Variants in PLPP4 observed in about 807,000 individuals in gnomAD.
The protein encoded by PLPP4 is phospholipid phosphatase 4.
PLPP4 carries 20 observed loss-of-function variants against 32.2 expected under a neutral mutation model. That is an observed-to-expected ratio of 0.62 (90% CI 0.44 to 0.90). The LOEUF is 0.90. Among genes scored for constraint, PLPP4 ranks in the 40% least tolerant of loss-of-function variants. PLPP4 has a pLI of 0.00. For missense variants in PLPP4, 257 were observed against 353.1 expected (o/e 0.73, Z 2.18); for synonymous variants, 127 against 133.0 (o/e 0.95, Z 0.31).
At chr10:120,471,542 T>G (rs1304801731) in intron 1 of PLPP4, among the ~76,000 whole-genome samples, 1 of 152,048 alleles carries the variant, frequency 6.6e-6, no homozygotes, top group Non-Finnish European at 1.5e-5. Context: ...TTATCTAACA[T>G]TAATATGTTA....
chr10:120,462,756 A>G (rs1325274683), intron 1 of PLPP4, among the ~76,000 whole-genome samples: 3 of 152,144 alleles, frequency 2.0e-5, no homozygotes, highest in Non-Finnish European at 4.4e-5. Flanking sequence ...CAGAATCTGC[A>G]TTTTGAACAG....
intron 6 of PLPP4, among the ~76,000 whole-genome samples, chr10:120,579,829 C>T (rs1007074455): frequency 3.4e-4 from 52 of 151,412 alleles, no homozygotes; most frequent in Non-Finnish European, 1.2e-4. Flanking sequence ...AAGTTGGGGC[C>T]GGGCGCGGTG....
chr10:120,460,328 A>G (rs532467376), intron 1 of PLPP4, among the ~76,000 whole-genome samples: 17 of 152,340 alleles, frequency 1.1e-4, no homozygotes, highest in African/African-American at 4.1e-4. Context: ...CTGCTACCCA[A>G]GACTCCAGGA....
At chr10:120,507,361 TATC>T (rs891335081) in intron 2 of PLPP4, among the ~76,000 whole-genome samples, 26 of 99,826 alleles carry the variant, frequency 2.6e-4, no homozygotes, top group African/African-American at 1.0e-3. Flanking sequence ...TCATCATCAT[TATC>T]ATCATCATCA....
intron 5 of PLPP4, among the ~76,000 whole-genome samples, chr10:120,531,873 T>TACACACACAC (rs145252286): frequency 3.5e-4 from 52 of 148,256 alleles, no homozygotes; most frequent in Middle Eastern, 3.5e-3. Context: ...CTACACACAC[T>TACACACACAC]ACACACACAC....
intron 5 of PLPP4, among the ~76,000 whole-genome samples, chr10:120,552,957 TG>T (rs1422935940): frequency 6.6e-6 from 1 of 152,230 alleles, no homozygotes; most frequent in African/African-American, 2.4e-5. Flanking sequence ...GCACTTCTGC[TG>T]TGCTTGAGAG....
chr10:120,569,132 A>AG (rs1313132171), intron 5 of PLPP4, among the ~76,000 whole-genome samples: 1 of 151,950 alleles, frequency 6.6e-6, no homozygotes, highest in African/African-American at 2.4e-5. Context: ...CCAGCTACTC[A>AG]GGAGGCTGAG....
At chr10:120,523,554 T>C (rs1182278804) in intron 5 of PLPP4, among the ~76,000 whole-genome samples, 1 of 152,174 alleles carries the variant, frequency 6.6e-6, no homozygotes, top group Non-Finnish European at 1.5e-5. Flanking sequence ...TGGAATAGTA[T>C]TCACCTGGGA....
chr10:120,576,819 G>A (rs915137262), intron 6 of PLPP4, among the ~76,000 whole-genome samples: 1 of 152,218 alleles, frequency 6.6e-6, no homozygotes, highest in African/African-American at 2.4e-5. Context: ...ATGGAAGGAT[G>A]GACAGAGTCA....
chr10:120,527,164 A>C (rs1379300182), intron 5 of PLPP4, among the ~76,000 whole-genome samples: 4 of 151,942 alleles, frequency 2.6e-5, no homozygotes, highest in Non-Finnish European at 4.4e-5. Context: ...GCAATCAATC[A>C]ATTGATTGAT....
intron 5 of PLPP4, among the ~76,000 whole-genome samples, chr10:120,543,176 G>C (rs1847435714): frequency 6.6e-6 from 1 of 152,208 alleles, no homozygotes. Flanking sequence ...CATCACAGGG[G>C]ATAGAGCCGG....
At position 120,494,478 on chromosome 10, in the gene PLPP4, C is replaced by T. The variant is rs115993050; in HGVS notation, c.57-9340C>T. Among the ~76,000 whole-genome samples, 761 of 152,322 alleles carry T rather than the reference C, an allele frequency of 5.0e-3. 7 individuals are homozygous for T. The highest frequency in any genetic ancestry group is 0.016 in the African/African-American group (683 of 41,566). On this transcript the variant is annotated intron_variant, in intron 1 of 6. Transcript: ENST00000398250. ...GGGCATGAGATTTAGAGTGAGGGCA[C>T]GAGGACATGACTCCCGGCTCTGCCT...
At chr10:120,487,073 A>G (rs1844492715) in intron 1 of PLPP4, among the ~76,000 whole-genome samples, 1 of 152,222 alleles carries the variant, frequency 6.6e-6, no homozygotes, top group South Asian at 2.1e-4. Context: ...GGATAAACTA[A>G]ACTAACTTGA....
intron 6 of PLPP4, among the ~76,000 whole-genome samples, chr10:120,584,852 T>TA (rs1849680010): frequency 6.6e-6 from 1 of 152,226 alleles, no homozygotes; most frequent in South Asian, 2.1e-4. Context: ...TAGACTCCCA[T>TA]AGCACCTGTG....
At chr10:120,512,378 C>T (rs933246120) in intron 2 of PLPP4, among the ~76,000 whole-genome samples, 1 of 152,190 alleles carries the variant, frequency 6.6e-6, no homozygotes, top group Non-Finnish European at 1.5e-5. Context: ...TTTAAACAAT[C>T]CAAGTCATTC....
intron 1 of PLPP4, among the ~76,000 whole-genome samples, chr10:120,462,504 C>T (rs1211811979): frequency 6.6e-6 from 1 of 152,178 alleles, no homozygotes; most frequent in Non-Finnish European, 1.5e-5. Flanking sequence ...GTCTGCACTG[C>T]GTTGTGGTCA....
At chr10:120,580,672 C>CAT (rs779157002) in intron 6 of PLPP4, among the ~76,000 whole-genome samples, 3 of 132,818 alleles carry the variant, frequency 2.3e-5, no homozygotes, top group Non-Finnish European at 1.7e-5. Flanking sequence ...CACACACACA[C>CAT]ACACACACGG....
In PLPP4 at chr10:120,589,269, A is replaced by G. The variant is rs886630366; in HGVS notation, c.617-34A>G. 5 of 1,590,482 alleles carry G rather than the reference A, an allele frequency of 3.1e-6. No individual in the cohort carries two copies. In the African/African-American group the frequency reaches 4.0e-5, roughly 13 times the overall value. ...ATTGGCCACATTTGAACAAATGGTA[A>G]CCCATTTTTCCTGCTCTGCTGTTTC... On this transcript the variant is annotated intron_variant, in intron 6 of 6. Coordinates refer to ENST00000398250, the MANE Select transcript of PLPP4 (RefSeq NM_001030059.3).
intron 5 of PLPP4, among the ~76,000 whole-genome samples, chr10:120,524,975 G>A (rs931889301): frequency 6.6e-6 from 1 of 152,212 alleles, no homozygotes; most frequent in Admixed American, 6.5e-5. Flanking sequence ...CTAAGTCGAG[G>A]TATTAAGAAA....
Sources: allele counts gnomAD v4.1 joint callset (sites outside exome capture counted in the v4.1 genomes callset), GRCh38; gene constraint gnomAD v4.1.1; transcripts MANE v1.5; gene names NCBI Gene and HGNC (gene_info 2026-07-23, HGNC 2026-07-21).